NIPBL: variants seen among roughly 807,000 people sequenced by gnomAD.
The protein encoded by NIPBL is nipped-B-like protein.
Under a neutral mutation model 321.8 loss-of-function variants are expected in NIPBL, and 19 were observed. The observed-to-expected ratio is 0.06, with a 90% CI of 0.04 to 0.09. NIPBL has a LOEUF of 0.09. NIPBL is among the 10% of genes least tolerant of loss of function. The pLI, the probability that NIPBL is intolerant of heterozygous loss-of-function variation, is 1.00. For missense variants in NIPBL, 2,210 were observed against 3,327.0 expected (o/e 0.66, Z 8.26); for synonymous variants, 1,106 against 1,114.1 (o/e 0.99, Z 0.14).
At position 36,961,548 on chromosome 5, in the gene NIPBL, T is replaced by A; in HGVS notation, c.423T>A (p.Asn141Lys). Residue 141 changes from asparagine (N) to lysine (K), a missense_variant, in exon 5 of 47, where the codon AAT (asparagine) becomes AAA (lysine). Asn to Lys is a moderately conservative substitution (Grantham distance 94). This residue lies in a region of NIPBL where 464 missense variants were observed against 529.5 expected (regional missense o/e 0.88). Coordinates refer to ENST00000282516, the MANE Select transcript of NIPBL (RefSeq NM_133433.4). ...NSMHSSPASSNYQQTTISHSP... is the reference protein window; with the variant it reads ...NSMHSSPASSKYQQTTISHSP... The stretch of plus-strand genomic sequence containing the variant: ...TGCACAGTAGTCCTGCATCTTCCAA[T>A]TATCAACAAACCACTATCTCACATA... The A allele has an allele frequency of 6.2e-7, 1 of 1,610,874 alleles. No homozygotes were observed. The highest frequency in any genetic ancestry group is 8.5e-7 in the Non-Finnish European group (1 of 1,177,176).
intron 9 of NIPBL, among the ~76,000 whole-genome samples, chr5:36,978,369 A>C (rs951550531): frequency 3.3e-5 from 5 of 151,948 alleles, no homozygotes; most frequent in African/African-American, 7.2e-5. Context: ...ATTTTTTAAA[A>C]TGTTTGTTGG....
At chr5:36,938,508 A>G (rs1738706390) in intron 1 of NIPBL, among the ~76,000 whole-genome samples, 1 of 152,170 alleles carries the variant, frequency 6.6e-6, no homozygotes, top group South Asian at 2.1e-4. Context: ...AAATTATATC[A>G]AAAGTAAATG....
chr5:37,042,500 A>T (rs539353783), intron 34 of NIPBL, among the ~76,000 whole-genome samples: 3 of 145,344 alleles, frequency 2.1e-5, no homozygotes, highest in African/African-American at 7.6e-5. Context: ...TAGCTTAAAA[A>T]CTAGATTAAG....
At chr5:37,028,670 T>C (rs1434401802) in intron 32 of NIPBL, among the ~76,000 whole-genome samples, 2 of 152,140 alleles carry the variant, frequency 1.3e-5, no homozygotes, top group African/African-American at 4.8e-5. Flanking sequence ...GGCCAAACTT[T>C]ATATTATCTC....
At chr5:37,051,669 G>T in intron 40 of NIPBL, 110 bp from the exon 41 acceptor site, 1 of 725,618 alleles carries the variant, frequency 1.4e-6, no homozygotes, top group Non-Finnish European at 2.5e-6. Flanking sequence ...TTATAGGAAG[G>T]CCTATAAGGT....
intron 1 of NIPBL, among the ~76,000 whole-genome samples, chr5:36,916,467 A>G (rs1445909395): frequency 6.6e-6 from 1 of 152,042 alleles, no homozygotes; most frequent in Non-Finnish European, 1.5e-5. Context: ...TTTTTACAGC[A>G]TTTTGTTTTT....
chr5:36,981,147 T>G (rs1744088660), intron 9 of NIPBL, among the ~76,000 whole-genome samples: 1 of 151,690 alleles, frequency 6.6e-6, no homozygotes, highest in Non-Finnish European at 1.5e-5. Context: ...TTACTACTGG[T>G]GATATGGAGC....
At chr5:36,967,905 A>C (rs1742385609) in intron 6 of NIPBL, among the ~76,000 whole-genome samples, 1 of 152,132 alleles carries the variant, frequency 6.6e-6, no homozygotes, top group East Asian at 1.9e-4. Flanking sequence ...ACTCAAGACC[A>C]GCCTGGGCAA....
chr5:36,941,634 T>C (rs935595720), intron 1 of NIPBL, among the ~76,000 whole-genome samples: 1 of 152,068 alleles, frequency 6.6e-6, no homozygotes, highest in African/African-American at 2.4e-5. Context: ...TAACACATGG[T>C]CATTTGATTC....
chr5:37,007,645 T>G (rs1489038277), intron 18 of NIPBL, among the ~76,000 whole-genome samples, 171 bp downstream of exon 18: 1 of 151,976 alleles, frequency 6.6e-6, no homozygotes, highest in East Asian at 1.9e-4. Flanking sequence ...TAAAAAGACA[T>G]TTTATCAGGA....
intron 1 of NIPBL, among the ~76,000 whole-genome samples, chr5:36,911,946 T>C (rs781697511): frequency 2.0e-5 from 3 of 152,214 alleles, no homozygotes; most frequent in African/African-American, 7.2e-5. Flanking sequence ...GTTTGACCTT[T>C]TTCCGTACTT....
At chr5:36,963,428 A>T (rs1741849328) in intron 6 of NIPBL, among the ~76,000 whole-genome samples, 1 of 152,284 alleles carries the variant, frequency 6.6e-6, no homozygotes, top group African/African-American at 2.4e-5. Context: ...CTGGTTTCCC[A>T]AAACCAGATT....
chr5:36,945,569 A>C (rs1056309111), intron 1 of NIPBL, among the ~76,000 whole-genome samples: 3 of 152,174 alleles, frequency 2.0e-5, no homozygotes, highest in Non-Finnish European at 4.4e-5. Flanking sequence ...CATATACATT[A>C]TTGGTATCCA....
At chr5:37,054,057 G>A (rs192450701) in intron 42 of NIPBL, among the ~76,000 whole-genome samples, 6 of 152,074 alleles carry the variant, frequency 3.9e-5, no homozygotes, top group East Asian at 1.9e-4. Flanking sequence ...TTAGCCGGGC[G>A]TGGTGGCACG....
At chr5:36,950,381 A>ATTATT (rs1394790998) in intron 1 of NIPBL, among the ~76,000 whole-genome samples, 3 of 152,006 alleles carry the variant, frequency 2.0e-5, no homozygotes, top group African/African-American at 7.2e-5. Flanking sequence ...ATATATGTGC[A>ATTATT]TTATTTTATT....
chr5:36,991,529 A>G (rs998014742), intron 10 of NIPBL, among the ~76,000 whole-genome samples: 7 of 152,146 alleles, frequency 4.6e-5, no homozygotes, highest in African/African-American at 1.7e-4. Context: ...TATCAAGGAA[A>G]GAATCATTTG....
chr5:36,950,135 G>T (rs187318935), intron 1 of NIPBL, among the ~76,000 whole-genome samples: 25 of 152,064 alleles, frequency 1.6e-4, no homozygotes, highest in East Asian at 1.5e-3. Flanking sequence ...TTAAATAATT[G>T]TAGGTGAGCA....
At chr5:36,925,645 A>G (rs1749300926) in intron 1 of NIPBL, among the ~76,000 whole-genome samples, 1 of 152,192 alleles carries the variant, frequency 6.6e-6, no homozygotes, top group South Asian at 2.1e-4. Context: ...CAAAGAGACT[A>G]AGTAAATAAC....
At chr5:37,019,064 C>T (rs1375449153) in intron 24 of NIPBL, among the ~76,000 whole-genome samples, 5 of 152,122 alleles carry the variant, frequency 3.3e-5, no homozygotes, top group Non-Finnish European at 5.9e-5. Context: ...GATAGTGCCA[C>T]TGGACTCCAG....
Sources: gnomAD v4.1 joint callset for allele counts (sites outside exome capture counted in the v4.1 genomes callset) on GRCh38, gnomAD v4.1.1 for gene constraint, gnomAD v4.1.1 regional missense constraint, MANE v1.5 for transcripts, NCBI Gene and HGNC (gene_info 2026-07-23, HGNC 2026-07-21) for gene names.